UGT2B4: variants seen among roughly 807,000 people sequenced by gnomAD.
UGT2B4 encodes the protein UDP-glucuronosyltransferase 2B4.
UGT2B4 carries 49 observed loss-of-function variants against 49.8 expected under a neutral mutation model. The observed-to-expected ratio is 0.98, with a 90% CI of 0.78 to 1.25. The LOEUF is 1.25. Among genes scored for constraint, UGT2B4 ranks in the 50% most tolerant of loss-of-function variants. The pLI, the probability that UGT2B4 is intolerant of heterozygous loss-of-function variation, is 0.00. For synonymous variants in UGT2B4, 246 were observed against 217.7 expected, an observed-to-expected ratio of 1.13 and a Z score of -1.14; for missense variants, 729 against 627.7, an observed-to-expected ratio of 1.16 and a Z score of -1.73.
In UGT2B4 at chr4:69,480,847, A is replaced by G. The variant is rs13119049; in HGVS notation, c.1374T>C (p.Asp458=). The change falls in exon 6 of 6, where the codon GAT becomes GAC. Residue 458 remains aspartate, a synonymous_variant. Transcript: ENST00000305107. ...CAAATTCAATCCAGAAGACTGCTCG[A>G]TCAAGGGGCTTCACTGGTTGATCAT... ...IHHDQPVKPL[D]RAVFWIEFVM... is the part of the protein sequence containing the mutation. 1 of 1,613,488 alleles carries G rather than the reference A, an allele frequency of 6.2e-7. No individual in the cohort carries two copies. Among genetic ancestry groups the G allele is most frequent in the East Asian group, 2.2e-5 (1 of 44,886 alleles).
chr4:69,493,031 T>C (rs1728037915), intron 2 of UGT2B4, among the ~76,000 whole-genome samples: 1 of 152,166 alleles, frequency 6.6e-6, no homozygotes, highest in Admixed American at 6.6e-5. Flanking sequence ...CTGAGGAGTA[T>C]CTGGCTCTTA....
Position 69,489,558 on chromosome 4 carries a change from A to G in UGT2B4, c.883T>C (p.Phe295Leu), listed in dbSNP as rs1264339997. 1.2e-6 allele frequency: 2 copies of G among 1,607,112 alleles called. No individual in the cohort carries two copies. The highest frequency in any genetic ancestry group is 1.1e-5 in the South Asian group (1 of 90,350). Residue 295 changes from phenylalanine (F) to leucine (L), a missense_variant, in exon 3 of 6, where the codon TTT (phenylalanine) becomes CTT (leucine). Coordinates refer to ENST00000305107, the MANE Select transcript of UGT2B4 (RefSeq NM_021139.3). ...AKPLPKEMEEFVQSSGENGVV... is the reference protein window; with the variant it reads ...AKPLPKEMEELVQSSGENGVV... ...CCATTTTCTCCAGAGCTCTGGACAA[A>G]CTCTTCCATTTCCTGTGAAAAAAAA...
At chr4:69,488,373 T>C (rs1267422732) in intron 3 of UGT2B4, among the ~76,000 whole-genome samples, 1 of 151,814 alleles carries the variant, frequency 6.6e-6, no homozygotes, top group Non-Finnish European at 1.5e-5. Flanking sequence ...AAGTTACTAA[T>C]TTTGGAACCC....
At chr4:69,486,745 C>A (rs1727799156) in intron 3 of UGT2B4, 49 bp from the exon 4 acceptor site, 1 of 1,397,326 alleles carries the variant, frequency 7.2e-7, no homozygotes, top group Non-Finnish European at 1.0e-6. Context: ...ACTCAAAAGT[C>A]ATAGAATGTT....
At chr4:69,499,052 G>A (rs148499352), upstream of UGT2B4, among the ~76,000 whole-genome samples, 24 of 152,204 alleles carry the variant, frequency 1.6e-4, no homozygotes, top group Middle Eastern at 3.4e-3. Flanking sequence ...CAGAGATTCT[G>A]TTATATTGTC....
At chr4:69,490,924 G>T (rs947988796) in intron 2 of UGT2B4, among the ~76,000 whole-genome samples, 2 of 151,920 alleles carry the variant, frequency 1.3e-5, no homozygotes, top group African/African-American at 4.8e-5. Context: ...TCCCTAAAGG[G>T]GATTCATTAT....
At chr4:69,481,983 T>G (rs1322118683) in intron 5 of UGT2B4, among the ~76,000 whole-genome samples, 5 of 152,208 alleles carry the variant, frequency 3.3e-5, no homozygotes, top group Admixed American at 2.0e-4. Flanking sequence ...AATCCAACTC[T>G]GTTATTTGGT....
At chr4:69,503,607 C>T (rs1463654772) in intron 1 of UGT2B4, among the ~76,000 whole-genome samples, 1 of 152,188 alleles carries the variant, frequency 6.6e-6, no homozygotes, top group Non-Finnish European at 1.5e-5. Flanking sequence ...GCTAAAGCTG[C>T]ACAGAGAACA....
At chr4:69,522,069 T>C (rs915140318) in intron 1 of UGT2B4, among the ~76,000 whole-genome samples, 4 of 152,218 alleles carry the variant, frequency 2.6e-5, no homozygotes, top group African/African-American at 9.6e-5. Context: ...GGTTGGTGAG[T>C]AATTAACTGA....
intron 1 of UGT2B4, among the ~76,000 whole-genome samples, chr4:69,502,124 T>TCTTTCTTTCTTCTTTCTTTCTTTCTTA (rs1491154494): frequency 7.0e-6 from 1 of 143,136 alleles, no homozygotes; most frequent in Non-Finnish European, 1.5e-5. Context: ...TTTCTTTCTT[T>TCTTTCTTTCTTCTTTCTTTCTTTCTTA]CTTTCTTTCT....
At chr4:69,521,367 C>G (rs112353607) in intron 1 of UGT2B4, among the ~76,000 whole-genome samples, 1 of 152,146 alleles carries the variant, frequency 6.6e-6, no homozygotes, top group African/African-American at 2.4e-5. Flanking sequence ...CTCTTTGGGG[C>G]TCTGCAGTTC....
At chr4:69,488,269 T>C (rs1727853859) in intron 3 of UGT2B4, among the ~76,000 whole-genome samples, 1 of 152,210 alleles carries the variant, frequency 6.6e-6, no homozygotes, top group Non-Finnish European at 1.5e-5. Context: ...TGCTGAATTT[T>C]GGTCAATTGA....
In UGT2B4 at chr4:69,515,814, C is replaced by T. The variant is rs149095615; in HGVS notation, c.-106+9873G>A. 4.2e-3 allele frequency among the ~76,000 whole-genome samples: 637 copies of T among 152,024 alleles called. 2 individuals are homozygous for T. Among genetic ancestry groups the T allele is most frequent in the African/African-American group, 0.014 (593 of 41,460 alleles). On this transcript the variant is annotated intron_variant, in intron 1 of 1. Coordinates refer to the UGT2B4 transcript ENST00000510114. ...AGAATTAAAAAAAATTAAAAACCAA[C>T]GAACCAAACAAAGAAAACAGCATTA... is the stretch of plus-strand genomic sequence containing the variant.
In UGT2B4 at chr4:69,481,091, G is replaced by GA. The variant is rs57494102; in HGVS notation, c.1311-182dup. On this transcript the variant is annotated intron_variant, in intron 5 of 5. Transcript: ENST00000305107. ...GTCACCCCGTCTCCAGTAAAAATAT[G>GA]AAAAAAAAAAAAAAAAAAAAAAAAA... Among the ~76,000 whole-genome samples the GA allele has an allele frequency of 3.1e-3, 208 of 67,804 alleles. 9 individuals are homozygous for GA. The highest frequency in any genetic ancestry group is 0.011 in the African/African-American group (193 of 16,932). The allele number at this position is 67,804 out of a possible 152,430, so 44.5% of individuals were successfully genotyped here. A position where few individuals can be genotyped will look rare whatever the true frequency, so the allele number is the denominator to read the frequency against.
At position 69,480,926 on chromosome 4, in the gene UGT2B4, A is replaced by G. The variant is rs199822896; in HGVS notation, c.1311-16T>C. ...CTCTTTATATCTAAACGATAAGCAG[A>G]AAAGTATCAACATTGAAAGTAAGTT... On this transcript the variant is annotated splice_polypyrimidine_tract_variant and intron_variant, in intron 5 of 5. Transcript: ENST00000305107. 2.2e-5 allele frequency: 35 copies of G among 1,610,642 alleles called. No homozygotes were observed. The highest frequency in any genetic ancestry group is 3.3e-5 in the South Asian group (3 of 90,944).
chr4:69,496,489 TG>T (rs1219685558), upstream of UGT2B4, among the ~76,000 whole-genome samples: 2 of 152,244 alleles, frequency 1.3e-5, no homozygotes, highest in East Asian at 3.8e-4. Context: ...TAGCTAAATG[TG>T]GTTCAAAAAC....
chr4:69,480,591 G>A lies in UGT2B4; in HGVS notation c.*43C>T. ...GTCTTCTTGTTGTAATAAACTAAAG[G>A]AGTTCATTTATTGGGTTTCCCAGCT... On this transcript the variant is annotated 3_prime_UTR_variant, in exon 6 of 6. Coordinates refer to ENST00000305107, the MANE Select transcript of UGT2B4 (RefSeq NM_021139.3). The A allele has an allele frequency of 6.3e-7, 1 of 1,593,046 alleles. No homozygotes were observed. Among genetic ancestry groups the A allele is most frequent in the Non-Finnish European group, 8.6e-7 (1 of 1,168,810 alleles).
chr4:69,507,542 C>T (rs988041209), intron 1 of UGT2B4, among the ~76,000 whole-genome samples: 2 of 151,966 alleles, frequency 1.3e-5, no homozygotes, highest in African/African-American at 4.8e-5. Flanking sequence ...ACCAAACAAA[C>T]AAACAAGTAC....
In UGT2B4 at chr4:69,481,726, C is replaced by T. The variant is rs142135105; in HGVS notation, c.1311-816G>A. On this transcript the variant is annotated intron_variant, in intron 5 of 5. Transcript: ENST00000305107. ...ATAAAATCATGGTCAGCATCATGAGCCGTTTTAAGTGGTAAAAGATATACA... is the reference window on the plus strand; with the variant it reads ...ATAAAATCATGGTCAGCATCATGAGTCGTTTTAAGTGGTAAAAGATATACA... 1.7e-3 allele frequency among the ~76,000 whole-genome samples: 263 copies of T among 152,130 alleles called. 1 individual carries two copies. The highest frequency in any genetic ancestry group is 6.0e-3 in the African/African-American group (251 of 41,502).
Sources: gnomAD v4.1 joint callset for allele counts (sites outside exome capture counted in the v4.1 genomes callset) on GRCh38, gnomAD v4.1.1 for gene constraint, MANE v1.5 for transcripts, NCBI Gene and HGNC (gene_info 2026-07-23, HGNC 2026-07-21) for gene names.